Variants in MYH11 observed in about 807,000 individuals in gnomAD.
The protein encoded by MYH11 is myosin-11.
Under a neutral mutation model 246.6 loss-of-function variants are expected in MYH11, and 80 were observed. The observed-to-expected ratio is 0.32, with a 90% CI of 0.27 to 0.39. The LOEUF (loss-of-function observed/expected upper bound fraction) is 0.39. Among genes scored for constraint, MYH11 ranks in the 10% least tolerant of loss-of-function variants. The pLI is 1.00. For synonymous variants in MYH11, 1,071 were observed against 1,015.5 expected (o/e 1.05, Z -1.04); for missense variants, 2,158 against 2,546.8 (o/e 0.85, Z 3.29).
At position 15,732,577 on chromosome 16, in the gene MYH11, T is replaced by G; in HGVS notation, c.3638A>C (p.Glu1213Ala). Reference sequence around the variant, plus strand: ...AAAAAGCATTACCCTCTTGAACTGCTCAAGCTGCTCTGTGAGCTCCTCCAC... The same window carrying G: ...AAAAAGCATTACCCTCTTGAACTGCGCAAGCTGCTCTGTGAGCTCCTCCAC... ...QAVEELTEQL[E>A]QFKRAKANLD... Residue 1213 changes from glutamate (E) to alanine (A), a missense_variant, in exon 27 of 41, where the codon GAG (glutamate) becomes GCG (alanine). Glu to Ala is a moderately radical substitution (Grantham distance 107, BLOSUM62 -1). This residue lies in a region of MYH11 where 1,013 missense variants were observed against 993.5 expected (regional missense o/e 1.02). Transcript: ENST00000300036. The G allele has an allele frequency of 6.2e-7, 1 of 1,614,268 alleles. No homozygotes were observed.
chr16:15,727,185 G>T, intron 27 of MYH11, 131 bp from the exon 28 acceptor site: 1 of 783,036 alleles, frequency 1.3e-6, no homozygotes, highest in Non-Finnish European at 2.1e-6. Flanking sequence ...ACCAGTAAGA[G>T]ATTTGGGGTT....
At chr16:15,738,315 G>A (rs536618005) in intron 24 of MYH11, among the ~76,000 whole-genome samples, 1 of 152,018 alleles carries the variant, frequency 6.6e-6, no homozygotes, top group African/African-American at 2.4e-5. Context: ...AGACTAGACT[G>A]AGCATCATAG....
chr16:15,779,121 A>G lies in MYH11; in HGVS notation c.727-278T>C, dbSNP rs2042290431. On this transcript the variant is annotated intron_variant, in intron 6 of 40. Transcript: ENST00000300036. Reference sequence around the variant, plus strand: ...ACCGTAGTCCATCATGGCTATCCCTATTTAAAAAAACTTATTTATTTATTA... The same window carrying G: ...ACCGTAGTCCATCATGGCTATCCCTGTTTAAAAAAACTTATTTATTTATTA... The G allele has an allele frequency of 7.2e-6, 4 of 551,944 alleles. No homozygotes were observed. In the East Asian group the frequency reaches 9.5e-5, roughly 13 times the overall value. The allele number at this position is 551,944 out of a possible 1,614,324, so 34.2% of individuals were successfully genotyped here. A position where few individuals can be genotyped will look rare whatever the true frequency, so the allele number is the denominator to read the frequency against.
chr16:15,797,828 G>C (rs1321962172), intron 4 of MYH11, among the ~76,000 whole-genome samples: 1 of 152,006 alleles, frequency 6.6e-6, no homozygotes, highest in African/African-American at 2.4e-5. Context: ...CTGTAAACAA[G>C]TGTCCTTTCT....
chr16:15,816,759 C>T (rs2043272583), intron 3 of MYH11, among the ~76,000 whole-genome samples: 1 of 144,724 alleles, frequency 6.9e-6, no homozygotes, highest in Non-Finnish European at 1.5e-5. Flanking sequence ...GCACAATGAT[C>T]AAGTGTTGTT....
Position 15,823,429 on chromosome 16 carries a change from A to T in MYH11, c.346-18T>A, listed in dbSNP as rs779960147. 1 of 1,614,184 alleles carries T rather than the reference A, an allele frequency of 6.2e-7. No homozygotes were observed. Among genetic ancestry groups the T allele is most frequent in the Non-Finnish European group, 8.5e-7 (1 of 1,180,030 alleles). ...GAGTACGTCTGCAGACAGAGAACCC[A>T]GCTTACTTCCAGACCTCCTCCAGGG... is the stretch of plus-strand genomic sequence containing the variant. On this transcript the variant is annotated intron_variant, in intron 2 of 40. Transcript: ENST00000300036.
chr16:15,844,531 CA>C (rs1291766891), intron 1 of MYH11, among the ~76,000 whole-genome samples: 1 of 151,914 alleles, frequency 6.6e-6, no homozygotes, highest in Non-Finnish European at 1.5e-5. Flanking sequence ...AAAATACAAA[CA>C]AAAAGGAGGG....
intron 1 of MYH11, among the ~76,000 whole-genome samples, chr16:15,852,230 C>A (rs575603051): frequency 6.6e-6 from 1 of 152,270 alleles, no homozygotes; most frequent in South Asian, 2.1e-4. Context: ...CCATCCTCCC[C>A]ACTCCACCCT....
chr16:15,710,989 C>G (rs1284957753), intron 40 of MYH11: 1 of 152,410 alleles, frequency 6.6e-6, no homozygotes, highest in Non-Finnish European at 1.5e-5. Context: ...CAGGAGTCTT[C>G]ACAGTGAGAA....
intron 2 of MYH11, among the ~76,000 whole-genome samples, chr16:15,834,005 A>G (rs756368734): frequency 3.9e-5 from 6 of 152,218 alleles, no homozygotes; most frequent in Non-Finnish European, 7.4e-5. Context: ...AGGAATTTGA[A>G]GCTTTGATTC....
At position 15,720,261 on chromosome 16, in the gene MYH11, C is replaced by T. The variant is rs200083481; in HGVS notation, c.4843G>A (p.Ala1615Thr). The stretch of plus-strand genomic sequence containing the variant: ...TCCAGCTTCTTCTTTGCTGCAGCTG[C>T]CAGGGCACGTTGCTTTCGCTCGTCT... Reference protein sequence around the residue: ...LEDERKQRALAAAAKKKLEGD... With the variant: ...LEDERKQRALTAAAKKKLEGD... Residue 1615 changes from alanine to threonine, a missense_variant, in exon 34 of 41, where the codon GCA (alanine) becomes ACA (threonine). Around this residue, in one of 11 missense-constraint regions of MYH11, gnomAD observed 1,013 missense variants for 993.5 expected, o/e 1.02. Transcript: ENST00000300036. 6 of 1,614,150 alleles carry T rather than the reference C, an allele frequency of 3.7e-6. No individual in the cohort carries two copies. The highest frequency in any genetic ancestry group is 4.5e-5 in the East Asian group (2 of 44,874).
At chr16:15,811,223 A>G (rs2043130568) in intron 3 of MYH11, among the ~76,000 whole-genome samples, 1 of 152,114 alleles carries the variant, frequency 6.6e-6, no homozygotes, top group East Asian at 1.9e-4. Context: ...ACGAGAAACA[A>G]ATATCTGTTT....
intron 1 of MYH11, among the ~76,000 whole-genome samples, chr16:15,841,418 A>G (rs984425266): frequency 2.0e-5 from 3 of 152,224 alleles, no homozygotes; most frequent in Admixed American, 2.0e-4. Context: ...GATTACAGGC[A>G]TGAGCCACTG....
chr16:15,805,538 A>T (rs1180934451), intron 3 of MYH11, among the ~76,000 whole-genome samples: 1 of 152,246 alleles, frequency 6.6e-6, no homozygotes, highest in Non-Finnish European at 1.5e-5. Context: ...AATAGAAACA[A>T]CCAAATGTTC....
Position 15,753,490 on chromosome 16 carries a change from C to A in MYH11, c.1768G>T (p.Ala590Ser), listed in dbSNP as rs745516001. The stretch of plus-strand genomic sequence containing the variant: ...GGGTCCATATTCTTGGTCAGCCAGG[C>A]ACTCGCATTATAGTCCACCTGCCAA... ...YAGKVDYNAS[A>S]WLTKNMDPLN... The change falls in exon 15 of 41, where the codon GCC (alanine) becomes TCC (serine). Residue 590 changes from alanine to serine, a missense_variant. Around this residue, in one of 11 missense-constraint regions of MYH11, gnomAD observed 317 missense variants for 507.7 expected, o/e 0.62. Coordinates refer to ENST00000300036, the MANE Select transcript of MYH11 (RefSeq NM_002474.3). The A allele has an allele frequency of 1.2e-6, 2 of 1,614,134 alleles. No individual in the cohort carries two copies. Among genetic ancestry groups the A allele is most frequent in the Non-Finnish European group, 1.7e-6 (2 of 1,179,998 alleles).
At chr16:15,808,812 G>A (rs1326155628) in intron 3 of MYH11, among the ~76,000 whole-genome samples, 1 of 152,188 alleles carries the variant, frequency 6.6e-6, no homozygotes, top group South Asian at 2.1e-4. Flanking sequence ...AAAATTGCTT[G>A]AGCCTAGGAG....
intron 19 of MYH11, 28 bp from the exon 20 acceptor site, chr16:15,745,265 G>A: frequency 3.3e-6 from 5 of 1,526,096 alleles, no homozygotes; most frequent in South Asian, 1.1e-5. Flanking sequence ...GAAGGTGCGG[G>A]GGTCATGAAG....
intron 19 of MYH11, 75 bp from the exon 20 acceptor site, chr16:15,745,312 A>T (rs1036302961): frequency 1.9e-6 from 2 of 1,032,014 alleles, no homozygotes; most frequent in African/African-American, 3.1e-5. Flanking sequence ...GCCCTGCAGC[A>T]TCCTGAACCT....
In MYH11 at chr16:15,704,039, TTCC is replaced by T; in HGVS notation, c.5868_5870del (p.Glu1957del). ...TGAAGTCTGCGTCTCGAGTGTCCGT[TTCC>T]TCCTCAGAACCATCTGCATTTTCAA... On this transcript the variant is annotated inframe_deletion, in exon 41 of 41. Coordinates refer to ENST00000300036, the MANE Select transcript of MYH11 (RefSeq NM_002474.3). The T allele has an allele frequency of 6.2e-7, 1 of 1,614,142 alleles. No homozygotes were observed.
Sources: gnomAD v4.1 joint callset for allele counts (sites outside exome capture counted in the v4.1 genomes callset) on GRCh38, gnomAD v4.1.1 for gene constraint, gnomAD v4.1.1 regional missense constraint, MANE v1.5 for transcripts, NCBI Gene and HGNC (gene_info 2026-07-23, HGNC 2026-07-21) for gene names.